RPS24: variants seen among roughly 807,000 people sequenced by gnomAD.
The protein encoded by RPS24 is ribosomal protein S24, also known as small ribosomal subunit protein eS24.
For missense variants in RPS24, 100 were observed against 162.5 expected (o/e 0.62, Z 2.09); for synonymous variants, 72 against 55.6 (o/e 1.30, Z -1.31).
chr10:78,043,726 C>T (rs1380741958), downstream of RPS24, among the ~76,000 whole-genome samples: 2 of 152,102 alleles, frequency 1.3e-5, no homozygotes, highest in Non-Finnish European at 2.9e-5. Flanking sequence ...ATGACTGTGA[C>T]GTGATAGAAA....
exon 5 of RPS24, chr10:78,054,814 C>T: frequency 1.3e-6 from 2 of 1,551,688 alleles, no homozygotes; most frequent in Non-Finnish European, 8.7e-7. Flanking sequence ...ATGTCGCCTG[C>T]CTCACCTGCT....
At chr10:78,054,554 G>A in exon 5 of RPS24, 2 of 1,545,524 alleles carry the variant, frequency 1.3e-6, no homozygotes, top group Non-Finnish European at 1.8e-6. Context: ...GGCTTGGAGT[G>A]CAAGCATTGG....
intron 4 of RPS24, among the ~76,000 whole-genome samples, chr10:78,052,578 A>C (rs1235924159): frequency 3.9e-5 from 6 of 152,180 alleles, no homozygotes; most frequent in Non-Finnish European, 8.8e-5. Context: ...ACCTGGAGCG[A>C]AGGCACGGCA....
intron 4 of RPS24, among the ~76,000 whole-genome samples, chr10:78,054,132 G>A (rs942523948): frequency 5.3e-5 from 8 of 152,178 alleles, no homozygotes; most frequent in African/African-American, 1.9e-4. Context: ...GCTGTTGGGC[G>A]AATGGCCAGA....
chr10:78,042,675 A>C (rs542836445), downstream of RPS24, among the ~76,000 whole-genome samples: 1 of 152,250 alleles, frequency 6.6e-6, no homozygotes, highest in South Asian at 2.1e-4. Context: ...CTTGTCACTG[A>C]TGGGAAGCTG....
chr10:78,039,915 C>T lies in RPS24; in HGVS notation c.391-289C>T, dbSNP rs900663268. ...TACTTCATTGACAAGTGGGCAAGGC[C>T]ATCCTGGGTACCACATTGGCTTAAT... On this transcript the variant is annotated intron_variant, in intron 4 of 5. Transcript: ENST00000372360. 6.1e-6 allele frequency: 3 copies of T among 493,666 alleles called. No individual in the cohort carries two copies. The East Asian group carries it at 1.2e-4, about 20-fold the overall frequency. 30.6% of individuals were successfully genotyped at this position (493,666 alleles called of 1,614,324 possible).
At chr10:78,042,137 G>C (rs1449365548), downstream of RPS24, among the ~76,000 whole-genome samples, 7 of 152,232 alleles carry the variant, frequency 4.6e-5, no homozygotes, top group Non-Finnish European at 1.5e-5. Context: ...TGAAATACCA[G>C]AAGCAGCAGT....
intron 4 of RPS24, chr10:78,038,236 C>T (rs1847919556): frequency 9.6e-6 from 2 of 208,182 alleles, no homozygotes; most frequent in South Asian, 1.4e-4. Flanking sequence ...TTGTAAACTC[C>T]AAAATGCATG....
chr10:78,046,778 G>T (rs1183094526), intron 4 of RPS24, among the ~76,000 whole-genome samples: 1 of 152,198 alleles, frequency 6.6e-6, no homozygotes, highest in East Asian at 1.9e-4. Flanking sequence ...GATAAGCCTG[G>T]GGGCATTTGT....
intron 4 of RPS24, among the ~76,000 whole-genome samples, chr10:78,047,705 G>A (rs566860813): frequency 6.6e-6 from 1 of 152,324 alleles, no homozygotes; most frequent in East Asian, 1.9e-4. Context: ...CGTGCTGCGA[G>A]GTCTCTGCAG....
intron 5 of RPS24, 27 bp downstream of exon 5, chr10:78,040,252 A>G: frequency 6.3e-7 from 1 of 1,597,700 alleles, no homozygotes; most frequent in Non-Finnish European, 8.6e-7. Flanking sequence ...TCATGTAGTC[A>G]TGTAGATCAC....
downstream of RPS24, among the ~76,000 whole-genome samples, chr10:78,042,326 G>C (rs1847995123): frequency 6.6e-6 from 1 of 152,166 alleles, no homozygotes; most frequent in Admixed American, 6.5e-5. Flanking sequence ...GTCCATCCAA[G>C]TGTTTTTTGG....
downstream of RPS24, among the ~76,000 whole-genome samples, chr10:78,041,850 C>T (rs1847989187): frequency 1.3e-5 from 2 of 152,180 alleles, no homozygotes; most frequent in Non-Finnish European, 2.9e-5. Flanking sequence ...AGAAAAAGGG[C>T]ATAGCTGCAG....
At chr10:78,034,049 C>T (rs1847801354) in intron 1 of RPS24, 145 bp downstream of exon 1, 3 of 1,063,500 alleles carry the variant, frequency 2.8e-6, no homozygotes, top group Admixed American at 1.7e-5. Flanking sequence ...TCGAGGGGCT[C>T]GGGGCTGTTG....
At chr10:78,043,736 A>G (rs781290436), downstream of RPS24, among the ~76,000 whole-genome samples, 1 of 152,248 alleles carries the variant, frequency 6.6e-6, no homozygotes, top group Non-Finnish European at 1.5e-5. Context: ...CGTGATAGAA[A>G]TTGAGAGCCA....
chr10:78,044,969 C>T (rs539485545), downstream of RPS24, among the ~76,000 whole-genome samples: 5 of 151,792 alleles, frequency 3.3e-5, no homozygotes, highest in African/African-American at 1.2e-4. Flanking sequence ...GGTTATGGGT[C>T]GATGAGATGG....
chr10:78,040,156 C>A (rs1259826795), intron 4 of RPS24, 48 bp from the exon 5 acceptor site: 4 of 1,589,338 alleles, frequency 2.5e-6, no homozygotes, highest in Non-Finnish European at 3.5e-6. Flanking sequence ...TTAATGAAAT[C>A]TTTCTTTTCC....
At chr10:78,052,371 G>A (rs562953740) in intron 4 of RPS24, among the ~76,000 whole-genome samples, 7 of 152,116 alleles carry the variant, frequency 4.6e-5, no homozygotes, top group Non-Finnish European at 7.4e-5. Context: ...CAGGGTTCCC[G>A]AGAGACTTTG....
Position 78,035,426 on chromosome 10 carries a change from G to A in RPS24, c.69+9G>A, listed in dbSNP as rs1302305342. ...TTCAGAGGAAACAAATGGTAAGGAA[G>A]GGCACATCAATCTTTGCTTAATTGT... On this transcript the variant is annotated intron_variant, in intron 2 of 5. Transcript: ENST00000372360. 3 of 1,613,878 alleles carry A rather than the reference G, an allele frequency of 1.9e-6. No homozygotes were observed. Among genetic ancestry groups the A allele is most frequent in the African/African-American group, 1.3e-5 (1 of 75,028 alleles).
Sources: allele counts gnomAD v4.1 joint callset (sites outside exome capture counted in the v4.1 genomes callset), GRCh38; gene constraint gnomAD v4.1.1; transcripts MANE v1.5; gene names NCBI Gene and HGNC (gene_info 2026-07-23, HGNC 2026-07-21).